The following MSH4 variants were observed in gnomAD, a reference collection of about 807,000 sequenced individuals.
MSH4 encodes the protein mutS homolog 4.
A neutral mutation model predicts 113.7 loss-of-function variants in MSH4; 106 were observed. The ratio of observed to expected loss-of-function variants is 0.93; its 90% CI spans 0.80 to 1.10. MSH4 has a LOEUF of 1.10. Ranked by LOEUF, MSH4 falls within the 50% of genes least tolerant of loss-of-function variation. The pLI, the probability that MSH4 is intolerant of heterozygous loss-of-function variation, is 0.00. For synonymous variants in MSH4, 368 were observed against 380.2 expected, an observed-to-expected ratio of 0.97 and a Z score of 0.37; for missense variants, 1,061 against 1,093.7, an observed-to-expected ratio of 0.97 and a Z score of 0.42.
chr1:75,854,438 T>C (rs1241968120), intron 8 of MSH4, among the ~76,000 whole-genome samples: 1 of 152,120 alleles, frequency 6.6e-6, no homozygotes, highest in Non-Finnish European at 1.5e-5. Context: ...TTCAGCCTAC[T>C]TGGGATCCAA....
intron 9 of MSH4, among the ~76,000 whole-genome samples, chr1:75,870,975 G>A (rs913339796): frequency 6.6e-6 from 1 of 152,088 alleles, no homozygotes; most frequent in Non-Finnish European, 1.5e-5. Flanking sequence ...TATAACAAAT[G>A]ACAGTTTATT....
chr1:75,834,777 G>T (rs143774302), intron 7 of MSH4, among the ~76,000 whole-genome samples: 1 of 152,130 alleles, frequency 6.6e-6, no homozygotes, highest in Admixed American at 6.6e-5. Flanking sequence ...AGGGTCTGTC[G>T]TGGGGTCAGG....
intron 7 of MSH4, among the ~76,000 whole-genome samples, chr1:75,847,864 C>A (rs1235207620): frequency 2.0e-5 from 3 of 152,054 alleles, no homozygotes; most frequent in African/African-American, 7.2e-5. Context: ...CCTCTGTGAC[C>A]CAAATGTTTT....
In MSH4 at chr1:75,905,181, A is replaced by C. The variant is rs188425583; in HGVS notation, c.2619+5475A>C. Among the ~76,000 whole-genome samples, 47 of 145,570 alleles carry C rather than the reference A, an allele frequency of 3.2e-4. No individual in the cohort carries two copies. In the East Asian group the frequency reaches 9.4e-3, roughly 29 times the overall value. ...TTAAATGTTTCTACTTTTTTGTTGT[A>C]GGTGTTTATTGCTATAAACGTTTCT... On this transcript the variant is annotated intron_variant, in intron 19 of 19. Transcript: ENST00000263187.
Position 75,848,232 on chromosome 1 carries a change from G to A in MSH4, c.1186G>A (p.Glu396Lys). ...AGTTATATCAAGATTTCTTGATACA[G>A]AGCAGCTTCTTTCTGTTTTAGTCCA... ...QSVISRFLDTEQLLSVLVQIP... is the reference protein window; with the variant it reads ...QSVISRFLDTKQLLSVLVQIP... Residue 396 changes from glutamate (E) to lysine (K), a missense_variant, in exon 8 of 20, where the codon GAG (glutamate) becomes AAG (lysine). By Grantham distance (56) the Glu-to-Lys change is moderately conservative (BLOSUM62 1). Transcript: ENST00000263187. 1 of 1,609,128 alleles carries A rather than the reference G, an allele frequency of 6.2e-7. No individual in the cohort carries two copies. Among genetic ancestry groups the A allele is most frequent in the Non-Finnish European group, 8.5e-7 (1 of 1,176,440 alleles).
chr1:75,797,062 C>A lies in MSH4; in HGVS notation c.77C>A (p.Pro26His). The change falls in exon 1 of 20, where the codon CCT (proline) becomes CAT (histidine). Residue 26 changes from proline (P) to histidine (H), a missense_variant. Coordinates refer to ENST00000263187, the MANE Select transcript of MSH4 (RefSeq NM_002440.4). ...VSPSSGETRS[P>H]QGPRYNFGLQ... The stretch of plus-strand genomic sequence containing the variant: ...CCGTCGTCGGGAGAAACCCGCTCAC[C>A]TCAGGGTCCCCGCTACAATTTCGGA... 6.2e-7 allele frequency: 1 copy of A among 1,614,062 alleles called. No individual in the cohort carries two copies. Among genetic ancestry groups the A allele is most frequent in the Non-Finnish European group, 8.5e-7 (1 of 1,179,936 alleles).
intron 19 of MSH4, among the ~76,000 whole-genome samples, chr1:75,909,879 CT>C (rs1489637965): frequency 1.3e-5 from 2 of 151,882 alleles, no homozygotes; most frequent in Non-Finnish European, 2.9e-5. Context: ...TTGAATATTT[CT>C]GTTTTTCTTC....
At position 75,810,820 on chromosome 1, in the gene MSH4, T is replaced by A; in HGVS notation, c.699+13T>A. 2 of 1,272,714 alleles carry A rather than the reference T, an allele frequency of 1.6e-6. No homozygotes were observed. Among genetic ancestry groups the A allele is most frequent in the Non-Finnish European group, 2.2e-6 (2 of 894,900 alleles). 78.8% of individuals were successfully genotyped at this position (1,272,714 alleles called of 1,614,324 possible). ...AGAAAATTTCAAGGTAAGTGATGTT[T>A]ACTGTTTGTAACATTCAAGATCTAA... On this transcript the variant is annotated intron_variant, in intron 4 of 19. Transcript: ENST00000263187.
rs1300289205 is a variant in MSH4, at chr1:75,885,059, G to GTGTGTGTGTGTGTATA, written c.2107+1239_2107+1240insGTGTGTGTGTGTATAT. Among the ~76,000 whole-genome samples, 470 of 112,180 alleles carry GTGTGTGTGTGTGTATA rather than the reference G, an allele frequency of 4.2e-3. 2 individuals carry two copies. The highest frequency in any genetic ancestry group is 4.4e-3 in the Non-Finnish European group (258 of 58,638). The allele number at this position is 112,180 out of a possible 152,430, so 73.6% of individuals were successfully genotyped here. A position where few individuals can be genotyped will look rare whatever the true frequency, so the allele number is the denominator to read the frequency against. On this transcript the variant is annotated intron_variant, in intron 15 of 19. Transcript: ENST00000263187. ...TGTGTGTGTGTGTGTGTGTGTGTGTGTATATATATATATATACCAGCCAGG... is the reference window on the plus strand; with the variant it reads ...TGTGTGTGTGTGTGTGTGTGTGTGTGTGTGTGTGTGTGTATATATATATATATATATACCAGCCAGG...
intron 15 of MSH4, among the ~76,000 whole-genome samples, chr1:75,884,909 A>G (rs1450772482): frequency 6.6e-6 from 1 of 151,460 alleles, no homozygotes; most frequent in African/African-American, 2.4e-5. Context: ...TGATTCATGT[A>G]AGACATAATA....
chr1:75,910,779 AT>A lies in MSH4; in HGVS notation c.2620-1914del, dbSNP rs2100600319. Among the ~76,000 whole-genome samples, 3 of 152,166 alleles carry A rather than the reference AT, an allele frequency of 2.0e-5. No individual in the cohort carries two copies. In the East Asian group the frequency reaches 5.8e-4, roughly 29 times the overall value. ...ATCTATGTTTAAAAGCCAAAGTTAAATTTATCATCTTCTAAAAAAAACTCTT... is the reference window on the plus strand; with the variant it reads ...ATCTATGTTTAAAAGCCAAAGTTAAATTATCATCTTCTAAAAAAAACTCTT... On this transcript the variant is annotated intron_variant, in intron 19 of 19. Coordinates refer to ENST00000263187, the MANE Select transcript of MSH4 (RefSeq NM_002440.4).
intron 15 of MSH4, among the ~76,000 whole-genome samples, chr1:75,885,946 A>C (rs3930135): frequency 2.0e-4 from 4 of 20,054 alleles, no homozygotes; most frequent in African/African-American, 5.4e-4. Context: ...AACATATATA[A>C]TATATATGAT....
chr1:75,885,483 A>G (rs1300425239), intron 15 of MSH4, among the ~76,000 whole-genome samples: 1 of 92,514 alleles, frequency 1.1e-5, no homozygotes, highest in African/African-American at 4.1e-5. Context: ...ACACACACAC[A>G]AACACTGGGT....
intron 6 of MSH4, among the ~76,000 whole-genome samples, chr1:75,820,861 T>A (rs1650393153): frequency 6.6e-6 from 1 of 151,772 alleles, no homozygotes; most frequent in Non-Finnish European, 1.5e-5. Flanking sequence ...CTAACTATCC[T>A]AAATATATAT....
chr1:75,820,969 C>G (rs1280957935), intron 6 of MSH4, among the ~76,000 whole-genome samples: 3 of 151,344 alleles, frequency 2.0e-5, no homozygotes, highest in African/African-American at 7.3e-5. Flanking sequence ...GACTTTAACA[C>G]CCCACTGTCA....
intron 14 of MSH4, among the ~76,000 whole-genome samples, chr1:75,882,316 T>A (rs1651950865): frequency 6.6e-6 from 1 of 152,114 alleles, no homozygotes; most frequent in Non-Finnish European, 1.5e-5. Flanking sequence ...TTGAAAATAC[T>A]TAAAATTTTT....
At chr1:75,909,260 G>A (rs937868344) in intron 19 of MSH4, among the ~76,000 whole-genome samples, 1 of 152,082 alleles carries the variant, frequency 6.6e-6, no homozygotes. Flanking sequence ...ATTGGGGCAC[G>A]GACATTGCAG....
intron 17 of MSH4, among the ~76,000 whole-genome samples, chr1:75,895,261 T>A (rs1311452535): frequency 2.0e-5 from 3 of 152,128 alleles, no homozygotes; most frequent in South Asian, 2.1e-4. Flanking sequence ...CACAATGCAA[T>A]AAAGAAAGAA....
intron 5 of MSH4, among the ~76,000 whole-genome samples, chr1:75,815,572 G>C (rs1471613083): frequency 6.6e-6 from 1 of 152,172 alleles, no homozygotes; most frequent in South Asian, 2.1e-4. Context: ...GCATGAGACA[G>C]AGAATGGTAT....
Sources: gnomAD v4.1 joint callset for allele counts (sites outside exome capture counted in the v4.1 genomes callset) on GRCh38, gnomAD v4.1.1 for gene constraint, MANE v1.5 for transcripts, NCBI Gene and HGNC (gene_info 2026-07-23, HGNC 2026-07-21) for gene names.